Variants in PPFIA2 observed in about 807,000 individuals in gnomAD.
PPFIA2 encodes the protein liprin-alpha-2.
A neutral mutation model predicts 175.5 loss-of-function variants in PPFIA2; 46 were observed. The observed-to-expected ratio is 0.26, with a 90% CI of 0.21 to 0.34. The LOEUF (loss-of-function observed/expected upper bound fraction) is 0.34, where lower values mean the gene tolerates loss of function less well. PPFIA2 is among the 10% of genes least tolerant of loss of function. PPFIA2 has a pLI of 1.00. For missense variants in PPFIA2, 1,179 were observed against 1,506.1 expected (o/e 0.78, Z 3.60); for synonymous variants, 568 against 511.4 (o/e 1.11, Z -1.49).
intron 4 of PPFIA2, among the ~76,000 whole-genome samples, chr12:81,517,953 G>T (rs565502760): frequency 4.1e-5 from 5 of 121,546 alleles, no homozygotes; most frequent in African/African-American, 9.2e-5. Context: ...GTCGTGGGGT[G>T]GGGGGAGGGA....
intron 4 of PPFIA2, among the ~76,000 whole-genome samples, chr12:81,617,655 C>T (rs1240959456): frequency 6.6e-6 from 1 of 152,180 alleles, no homozygotes. Flanking sequence ...GGCCCTGGTC[C>T]TCTCTCTGTC....
intron 4 of PPFIA2, among the ~76,000 whole-genome samples, chr12:81,493,127 A>T (rs908671934): frequency 6.6e-6 from 1 of 152,056 alleles, no homozygotes; most frequent in African/African-American, 2.4e-5. Context: ...GGGAATTAGG[A>T]ATCAGTTTTT....
At chr12:81,330,497 C>A (rs1218039713) in intron 21 of PPFIA2, among the ~76,000 whole-genome samples, 1 of 152,106 alleles carries the variant, frequency 6.6e-6, no homozygotes, top group Non-Finnish European at 1.5e-5. Context: ...AAATAAACAT[C>A]TTTTCTTTTA....
intron 7 of PPFIA2, among the ~76,000 whole-genome samples, chr12:81,413,981 C>T (rs1168192639): frequency 2.6e-5 from 4 of 151,610 alleles, no homozygotes; most frequent in African/African-American, 4.8e-5. Context: ...TTATTACATG[C>T]CCCATATGAA....
chr12:81,584,281 T>C (rs2074859138), intron 4 of PPFIA2, among the ~76,000 whole-genome samples: 1 of 151,948 alleles, frequency 6.6e-6, no homozygotes, highest in Non-Finnish European at 1.5e-5. Flanking sequence ...CAGACAGTGA[T>C]AAATTATAAT....
intron 4 of PPFIA2, among the ~76,000 whole-genome samples, chr12:81,674,292 G>T (rs536219009): frequency 4.7e-4 from 72 of 152,044 alleles, no homozygotes; most frequent in African/African-American, 1.7e-3. Flanking sequence ...AAAAATATAA[G>T]ACTTTGAATT....
At chr12:81,570,313 A>C (rs1177558474) in intron 4 of PPFIA2, among the ~76,000 whole-genome samples, 1 of 152,134 alleles carries the variant, frequency 6.6e-6, no homozygotes, top group African/African-American at 2.4e-5. Context: ...ATTTTTTTCA[A>C]AATTCATTGG....
At chr12:81,463,650 T>C (rs541103161) in intron 4 of PPFIA2, among the ~76,000 whole-genome samples, 1 of 152,204 alleles carries the variant, frequency 6.6e-6, no homozygotes, top group Non-Finnish European at 1.5e-5. Context: ...GCACTCACTA[T>C]GTAGTGGACC....
At chr12:81,577,722 C>T (rs1031254707) in intron 4 of PPFIA2, among the ~76,000 whole-genome samples, 5 of 151,602 alleles carry the variant, frequency 3.3e-5, no homozygotes, top group South Asian at 2.1e-4. Context: ...CTAGAAAGGC[C>T]GTGTTAGCAG....
chr12:81,420,418 A>G (rs1387671495), intron 7 of PPFIA2, among the ~76,000 whole-genome samples: 2 of 152,146 alleles, frequency 1.3e-5, no homozygotes. Flanking sequence ...ACACAGATAC[A>G]CAACTTGAAA....
At chr12:81,576,552 G>T (rs1595156404) in intron 4 of PPFIA2, among the ~76,000 whole-genome samples, 2 of 151,588 alleles carry the variant, frequency 1.3e-5, no homozygotes. Flanking sequence ...ATGACTAATG[G>T]TTTTTGTTTT....
At chr12:81,268,488 G>A (rs1345504703) in intron 28 of PPFIA2, among the ~76,000 whole-genome samples, 1 of 152,146 alleles carries the variant, frequency 6.6e-6, no homozygotes, top group East Asian at 1.9e-4. Flanking sequence ...TGGGTATCTG[G>A]CCAGGTCACA....
chr12:81,418,264 A>G (rs888184233), intron 7 of PPFIA2, among the ~76,000 whole-genome samples: 1 of 151,796 alleles, frequency 6.6e-6, no homozygotes, highest in Non-Finnish European at 1.5e-5. Flanking sequence ...GAATATATTT[A>G]CTGGAACCAA....
intron 4 of PPFIA2, chr12:81,472,464 T>C (rs1299568020): frequency 6.6e-6 from 1 of 152,194 alleles, no homozygotes; most frequent in Non-Finnish European, 1.5e-5. Flanking sequence ...ATGGGCACCA[T>C]GGAAGGAATT....
rs527452844 is a variant in PPFIA2, at chr12:81,688,024, C to T, written c.250-11180G>A. 2.6e-5 allele frequency among the ~76,000 whole-genome samples: 4 copies of T among 151,898 alleles called. No homozygotes were observed. In the East Asian group the frequency reaches 7.8e-4, roughly 30 times the overall value. ...CATTAGATTTCTAGAGATTATTTTGCCTGAAAGGGAAGGAAACCTAAGATT... is the reference window on the plus strand; with the variant it reads ...CATTAGATTTCTAGAGATTATTTTGTCTGAAAGGGAAGGAAACCTAAGATT... On this transcript the variant is annotated intron_variant, in intron 3 of 32. Transcript: ENST00000549396.
chr12:81,329,325 C>A (rs796808856), intron 21 of PPFIA2, among the ~76,000 whole-genome samples: 1 of 152,132 alleles, frequency 6.6e-6, no homozygotes, highest in Non-Finnish European at 1.5e-5. Context: ...TGTCAGGGTC[C>A]GCCTAGTGGT....
intron 3 of PPFIA2, among the ~76,000 whole-genome samples, chr12:81,709,089 C>A (rs369784096): frequency 1.3e-4 from 20 of 151,808 alleles, no homozygotes; most frequent in African/African-American, 4.1e-4. Flanking sequence ...ATGTTTCAAA[C>A]CTTCTCTCTC....
At chr12:81,285,448 G>T (rs1336987418) in intron 24 of PPFIA2, among the ~76,000 whole-genome samples, 1 of 151,980 alleles carries the variant, frequency 6.6e-6, no homozygotes, top group Non-Finnish European at 1.5e-5. Context: ...AAAAACAAAT[G>T]TAACTACATA....
intron 7 of PPFIA2, among the ~76,000 whole-genome samples, chr12:81,437,834 A>G (rs1458409087): frequency 6.6e-6 from 1 of 151,968 alleles, no homozygotes; most frequent in African/African-American, 2.4e-5. Flanking sequence ...TAATTTATCA[A>G]CCCCATCTCT....
Sources: allele counts gnomAD v4.1 joint callset (sites outside exome capture counted in the v4.1 genomes callset), GRCh38; gene constraint gnomAD v4.1.1; transcripts MANE v1.5; gene names NCBI Gene and HGNC (gene_info 2026-07-23, HGNC 2026-07-21).